The following NSF variants were observed in gnomAD, a reference collection of about 807,000 sequenced individuals.
NSF encodes vesicle-fusing ATPase.
Under a neutral mutation model 50.3 loss-of-function variants are expected in NSF, and 14 were observed. The observed-to-expected ratio is 0.28, with a 90% confidence interval of 0.18 to 0.44. NSF has a LOEUF of 0.44. NSF is among the 20% of genes least tolerant of loss of function. The pLI is 1.00. For synonymous variants in NSF, 109 were observed against 175.7 expected (o/e 0.62, Z 3.00); for missense variants, 218 against 504.3 (o/e 0.43, Z 5.44).
chr17:46,697,205 A>C (rs953262092), intron 12 of NSF, among the ~76,000 whole-genome samples: 9 of 136,516 alleles, frequency 6.6e-5, no homozygotes, highest in African/African-American at 2.6e-4. Flanking sequence ...GTGTCCAGTA[A>C]ATTATTTTTC....
intron 17 of NSF, among the ~76,000 whole-genome samples, chr17:46,741,832 T>A (rs1238908805): frequency 6.6e-6 from 1 of 152,168 alleles, no homozygotes; most frequent in East Asian, 1.9e-4. Context: ...AGTGGCGCCA[T>A]CTCGGCTCAC....
chr17:46,743,717 G>A (rs1207488818), intron 17 of NSF, among the ~76,000 whole-genome samples: 4 of 152,162 alleles, frequency 2.6e-5, no homozygotes, highest in Non-Finnish European at 5.9e-5. Flanking sequence ...CTGTCCTTGG[G>A]GCAGCAGCTC....
At chr17:46,679,110 C>T (rs1346056505) in intron 9 of NSF, among the ~76,000 whole-genome samples, 1 of 151,870 alleles carries the variant, frequency 6.6e-6, no homozygotes. Context: ...GGTGGTAAAA[C>T]TATAAAGGAA....
rs1568027330 is a variant in NSF, at chr17:46,673,911, GTGTGTGTGT to G, written c.746-502_746-494del. ...TATGGCTGAATAGTATTCCATGGGG[GTGTGTGTGT>G]GTGTGTGTGTGTGTGTGTGTGTGTG... On this transcript the variant is annotated intron_variant, in intron 8 of 20. Coordinates refer to ENST00000398238, the MANE Select transcript of NSF (RefSeq NM_006178.4). Among the ~76,000 whole-genome samples, 2 of 5,482 alleles carry G rather than the reference GTGTGTGTGT, an allele frequency of 3.6e-4. 1 individual carries two copies. The highest frequency in any genetic ancestry group is 2.5e-3 in the Non-Finnish European group (2 of 796). The allele number at this position is 5,482 out of a possible 152,430, so 3.6% of individuals were successfully genotyped here.
At chr17:46,735,927 TG>T in intron 17 of NSF, among the ~76,000 whole-genome samples, 1 of 152,020 alleles carries the variant, frequency 6.6e-6, no homozygotes, top group Non-Finnish European at 1.5e-5. Flanking sequence ...CCTGGGTGGA[TG>T]GAGTGAGACT....
At chr17:46,675,693 C>T (rs1382310534) in intron 9 of NSF, among the ~76,000 whole-genome samples, 3 of 134,610 alleles carry the variant, frequency 2.2e-5, no homozygotes, top group Non-Finnish European at 4.5e-5. Context: ...TTTGTCTGTT[C>T]TGATTAATTA....
At chr17:46,678,438 T>C (rs1198769988) in intron 9 of NSF, among the ~76,000 whole-genome samples, 1 of 143,456 alleles carries the variant, frequency 7.0e-6, no homozygotes, top group Non-Finnish European at 1.5e-5. Context: ...CTGAAAGATA[T>C]AAGATGAAAA....
intron 12 of NSF, among the ~76,000 whole-genome samples, chr17:46,695,399 CAAG>C (rs1204843496): frequency 2.8e-5 from 2 of 71,138 alleles, no homozygotes; most frequent in Non-Finnish European, 4.9e-5. Context: ...ACTCTTCCCT[CAAG>C]GAGTTCAGAG....
chr17:46,691,424 G>A (rs1476090095), intron 9 of NSF, among the ~76,000 whole-genome samples: 58 of 114,260 alleles, frequency 5.1e-4, no homozygotes, highest in African/African-American at 5.4e-4. Context: ...GTGAAACCCC[G>A]TCTCTACTAA....
chr17:46,757,209 G>T lies in NSF; in HGVS notation c.*1386G>T, dbSNP rs557397053. ...GGATGTCATATCTTCTTTGTTTTGG[G>T]TTTTCTTCCCTAGCTTATTTTGTGG... On this transcript the variant is annotated 3_prime_UTR_variant, in exon 21 of 21. Transcript: ENST00000398238. The T allele has an allele frequency of 2.0e-5, 3 of 152,294 alleles. No individual in the cohort carries two copies. Among genetic ancestry groups the T allele is most frequent in the Non-Finnish European group, 4.4e-5 (3 of 68,016 alleles). The allele number at this position is 152,294 out of a possible 1,614,324, so 9.4% of individuals were successfully genotyped here.
At chr17:46,749,394 C>T (rs931472211) in intron 17 of NSF, among the ~76,000 whole-genome samples, 1 of 152,170 alleles carries the variant, frequency 6.6e-6, no homozygotes, top group African/African-American at 2.4e-5. Flanking sequence ...GTAAAGCCAG[C>T]GCCACATACT....
intron 12 of NSF, among the ~76,000 whole-genome samples, chr17:46,697,363 A>G (rs1348642388): frequency 6.8e-6 from 1 of 147,048 alleles, no homozygotes; most frequent in Admixed American, 6.8e-5. Context: ...GGCATGTGCC[A>G]CCACGCCCAG....
intron 17 of NSF, among the ~76,000 whole-genome samples, chr17:46,735,285 G>A (rs935267263): frequency 3.3e-5 from 5 of 151,968 alleles, no homozygotes; most frequent in Non-Finnish European, 5.9e-5. Flanking sequence ...GTGTTGAGAC[G>A]AAATATTTTT....
chr17:46,731,809 C>A (rs991086630), intron 17 of NSF, among the ~76,000 whole-genome samples: 5 of 152,150 alleles, frequency 3.3e-5, no homozygotes, highest in Admixed American at 6.5e-5. Flanking sequence ...TGCCAGATTA[C>A]CTGCAGTATA....
chr17:46,752,246 A>G (rs919287893), intron 19 of NSF, among the ~76,000 whole-genome samples: 9 of 152,144 alleles, frequency 5.9e-5, no homozygotes, highest in Admixed American at 2.0e-4. Context: ...GGACTTTCTC[A>G]TATCTCCTGG....
At chr17:46,733,094 G>A (rs1319099506) in intron 17 of NSF, among the ~76,000 whole-genome samples, 2 of 152,212 alleles carry the variant, frequency 1.3e-5, no homozygotes, top group African/African-American at 4.8e-5. Flanking sequence ...GCTTAGCAGT[G>A]AGAGGCTTGA....
intron 18 of NSF, among the ~76,000 whole-genome samples, chr17:46,750,447 T>A (rs1335026658): frequency 2.0e-5 from 3 of 152,216 alleles, no homozygotes; most frequent in African/African-American, 7.2e-5. Flanking sequence ...GTCTCTAATC[T>A]GGAAATCTGA....
chr17:46,727,846 T>G (rs2058906876), intron 16 of NSF, among the ~76,000 whole-genome samples: 1 of 152,212 alleles, frequency 6.6e-6, no homozygotes, highest in Non-Finnish European at 1.5e-5. Flanking sequence ...CTGTGCATGC[T>G]TGCTCATTTA....
At chr17:46,679,456 C>T (rs1041899640) in intron 9 of NSF, among the ~76,000 whole-genome samples, 1 of 130,096 alleles carries the variant, frequency 7.7e-6, no homozygotes, top group African/African-American at 3.0e-5. Flanking sequence ...ATGTAAGCTC[C>T]TTATATTATT....
Sources: gnomAD v4.1 joint callset for allele counts (sites outside exome capture counted in the v4.1 genomes callset) on GRCh38, gnomAD v4.1.1 for gene constraint, MANE v1.5 for transcripts, NCBI Gene and HGNC (gene_info 2026-07-23, HGNC 2026-07-21) for gene names.